Variants in LRRC9 observed in about 807,000 individuals in gnomAD.
LRRC9 encodes leucine-rich repeat-containing protein 9.
LRRC9 carries 122 observed loss-of-function variants against 63.2 expected under a neutral mutation model. The ratio of observed to expected loss-of-function variants is 1.93; its 90% CI spans 1.67 to 2.24. The LOEUF is 2.24. Among genes scored for constraint, LRRC9 ranks in the 30% most tolerant of loss-of-function variants. LRRC9 has a pLI of 0.00. For synonymous variants in LRRC9, 366 were observed against 213.1 expected (o/e 1.72, Z -6.25); for missense variants, 1,071 against 627.7 (o/e 1.71, Z -7.55).
In LRRC9 at chr14:59,932,153, C is replaced by A; in HGVS notation, c.543+114C>A. 1.7e-6 allele frequency: 1 copy of A among 575,314 alleles called. No homozygotes were observed. Among genetic ancestry groups the A allele is most frequent in the South Asian group, 2.3e-5 (1 of 44,254 alleles). The allele number at this position is 575,314 out of a possible 1,614,324, so 35.6% of individuals were successfully genotyped here. On this transcript the variant is annotated intron_variant, in intron 6 of 31. Coordinates refer to ENST00000445360, the Ensembl canonical transcript of LRRC9. This position sits in a 1 kb window ranked among gnomAD's most constrained non-coding sequence, Gnocchi z 4.7. ...TAAGGAATAAGTTCATTATTTTGGGCTGATGCTCCAGGAAATTTGAAAGTC... is the reference window on the plus strand; with the variant it reads ...TAAGGAATAAGTTCATTATTTTGGGATGATGCTCCAGGAAATTTGAAAGTC...
At chr14:60,006,040 T>C (rs1221666508) in intron 21 of LRRC9, among the ~76,000 whole-genome samples, 1 of 152,132 alleles carries the variant, frequency 6.6e-6, no homozygotes, top group Admixed American at 6.6e-5. Context: ...GTGATTATTT[T>C]GAGCTTTGTG....
At position 59,958,886 on chromosome 14, in the gene LRRC9, C is replaced by T. The variant is rs1884076587; in HGVS notation, c.883-932C>T. On this transcript the variant is annotated intron_variant, in intron 8 of 31. Coordinates refer to ENST00000445360, the Ensembl canonical transcript of LRRC9. This position sits in a 1 kb window ranked among gnomAD's most constrained non-coding sequence, Gnocchi z 4.0. ...AGGGAGGTCCCTGCTCCTTGCACTT[C>T]CTGGGTGATGTGACACCCCACCCTG... Among the ~76,000 whole-genome samples the T allele has an allele frequency of 1.3e-5, 2 of 152,304 alleles. No individual in the cohort carries two copies. Among genetic ancestry groups the T allele is most frequent in the Admixed American group, 6.5e-5 (1 of 15,308 alleles).
chr14:60,053,164 G>A lies in LRRC9; in HGVS notation c.4090G>A (p.Ala1364Thr), dbSNP rs1284974061. Residue 1364 changes from alanine to threonine, a missense_variant, in exon 30 of 32, where the codon GCT becomes ACT. By Grantham distance (58) the Ala-to-Thr change is moderately conservative (BLOSUM62 0). Coordinates refer to ENST00000445360, the Ensembl canonical transcript of LRRC9. This position sits in a 1 kb window ranked among gnomAD's most constrained non-coding sequence, Gnocchi z 4.8. ...TGTGAATTCAGATGATAGGGCAAAA[G>A]CTGAATTTCACCTCGCTGAACTACA... 1.4e-6 allele frequency: 1 copy of A among 701,106 alleles called. No individual in the cohort carries two copies. Among genetic ancestry groups the A allele is most frequent in the East Asian group, 2.7e-5 (1 of 37,242 alleles). 43.4% of individuals were successfully genotyped at this position (701,106 alleles called of 1,614,324 possible).
intron 27 of LRRC9, among the ~76,000 whole-genome samples, chr14:60,025,677 T>C (rs1239365149): frequency 2.2e-5 from 3 of 136,794 alleles, no homozygotes; most frequent in Non-Finnish European, 3.1e-5. Context: ...ACATATATTT[T>C]ACAAAAAAAA....
At chr14:60,050,396 T>C (rs932734206) in intron 29 of LRRC9, among the ~76,000 whole-genome samples, 2 of 152,192 alleles carry the variant, frequency 1.3e-5, no homozygotes, top group Non-Finnish European at 2.9e-5. Context: ...AGTTCTCATG[T>C]TGTGTTTTTC....
chr14:60,010,423 G>A (rs1159431864), intron 23 of LRRC9, among the ~76,000 whole-genome samples: 2 of 150,746 alleles, frequency 1.3e-5, no homozygotes, highest in African/African-American at 4.9e-5. Flanking sequence ...CAAGTCCCTA[G>A]GCTGCATAAA....
chr14:60,051,682 A>T lies in LRRC9; in HGVS notation c.3991-1383A>T, dbSNP rs1043070628. Among the ~76,000 whole-genome samples the T allele has an allele frequency of 1.1e-4, 16 of 152,084 alleles. No homozygotes were observed. Among genetic ancestry groups the T allele is most frequent in the African/African-American group, 3.9e-4 (16 of 41,402 alleles). On this transcript the variant is annotated intron_variant, in intron 29 of 31. Transcript: ENST00000445360. The surrounding 1 kb of genome is among the most constrained non-coding windows in gnomAD (Gnocchi z 4.7). ...CTGGATTCAACCCCCTTCCTAGGGG[A>T]ATGTACAGACAGATCTACTGCCTTG...
In LRRC9 at chr14:59,959,853, CA is replaced by C; in HGVS notation, c.921del (p.His309ThrfsTer10). 2 of 667,266 alleles carry C rather than the reference CA, an allele frequency of 3.0e-6. No individual in the cohort carries two copies. Among genetic ancestry groups the C allele is most frequent in the East Asian group, 2.8e-5 (1 of 36,200 alleles). 41.3% of individuals were successfully genotyped at this position (667,266 alleles called of 1,614,324 possible). A position where few individuals can be genotyped will look rare whatever the true frequency, so the allele number is the denominator to read the frequency against. Reference sequence around the variant, plus strand: ...AACTGGCTGAACTCAAGGGCTCGGGCAAAGGGCACAGTGATGGATCCAATAA... The same window carrying C: ...AACTGGCTGAACTCAAGGGCTCGGGCAAGGGCACAGTGATGGATCCAATAA... On this transcript the variant is annotated frameshift_variant, in exon 9 of 32. Coordinates refer to ENST00000445360, the Ensembl canonical transcript of LRRC9. LOFTEE classifies it high-confidence loss of function.
In LRRC9 at chr14:59,958,757, G is replaced by A. The variant is rs1884059546; in HGVS notation, c.883-1061G>A. 6.6e-6 allele frequency among the ~76,000 whole-genome samples: 1 copy of A among 152,264 alleles called. No homozygotes were observed. Among genetic ancestry groups the A allele is most frequent in the African/African-American group, 2.4e-5 (1 of 41,470 alleles). On this transcript the variant is annotated intron_variant, in intron 8 of 31. Transcript: ENST00000445360. The surrounding 1 kb of genome is among the most constrained non-coding windows in gnomAD (Gnocchi z 4.0). ...TGAAACACAGAGCCCTGGTGGTATA[G>A]GCACACGAGGGAATCTCCTGATCTG...
intron 29 of LRRC9, among the ~76,000 whole-genome samples, chr14:60,048,617 A>G (rs1179860132): frequency 6.6e-6 from 1 of 152,192 alleles, no homozygotes; most frequent in East Asian, 1.9e-4. Context: ...GAATAGGCCA[A>G]TAATGAGTCC....
chr14:60,016,530 C>A, intron 23 of LRRC9, 130 bp from the exon 24 acceptor site: 1 of 525,984 alleles, frequency 1.9e-6, no homozygotes, highest in East Asian at 2.9e-5. Context: ...ATATAATGCA[C>A]AGGATTTAGC....
chr14:60,019,231 T>C (rs1890929395), exon 26 of LRRC9: 2 of 696,502 alleles, frequency 2.9e-6, no homozygotes, highest in Non-Finnish European at 5.2e-6. Context: ...CAAGTGGCTA[T>C]GGACAGCAAG....
intron 17 of LRRC9, among the ~76,000 whole-genome samples, chr14:59,992,191 C>A (rs1268624360): frequency 6.6e-6 from 1 of 152,224 alleles, no homozygotes; most frequent in Non-Finnish European, 1.5e-5. Flanking sequence ...TGCTGATACC[C>A]AGGCAAACAG....
chr14:59,982,813 C>T (rs910909167), intron 16 of LRRC9, among the ~76,000 whole-genome samples: 4 of 152,158 alleles, frequency 2.6e-5, no homozygotes, highest in African/African-American at 9.7e-5. Flanking sequence ...ATTTCAAGTG[C>T]TCAATAGCCA....
chr14:59,928,362 T>A (rs1889388938), exon 3 of LRRC9: 2 of 694,668 alleles, frequency 2.9e-6, no homozygotes, highest in Non-Finnish European at 5.2e-6. Context: ...CCTCGTATAG[T>A]TGGATTATCA....
chr14:59,991,820 C>T (rs990504461), intron 17 of LRRC9, among the ~76,000 whole-genome samples: 8 of 152,058 alleles, frequency 5.3e-5, no homozygotes, highest in East Asian at 3.9e-4. Context: ...CCCAGAAGCT[C>T]GAACTGCGTG....
At chr14:60,062,404 A>AT (rs1285509284) in intron 31 of LRRC9, among the ~76,000 whole-genome samples, 1 of 152,224 alleles carries the variant, frequency 6.6e-6, no homozygotes, top group Non-Finnish European at 1.5e-5. Context: ...AGGCTGAGAA[A>AT]TGGCTATCAA....
intron 1 of LRRC9, among the ~76,000 whole-genome samples, chr14:59,921,299 C>T (rs1053642091): frequency 6.6e-6 from 1 of 152,106 alleles, no homozygotes; most frequent in African/African-American, 2.4e-5. Flanking sequence ...ACCATTAATA[C>T]CTTCCAAAGG....
Position 60,027,816 on chromosome 14 carries a change from G to A in LRRC9, c.3704-68G>A. The A allele has an allele frequency of 1.9e-6, 1 of 519,250 alleles. No individual in the cohort carries two copies. Among genetic ancestry groups the A allele is most frequent in the South Asian group, 3.1e-5 (1 of 31,892 alleles). 32.2% of individuals were successfully genotyped at this position (519,250 alleles called of 1,614,324 possible). On this transcript the variant is annotated intron_variant, in intron 27 of 31. Coordinates refer to ENST00000445360, the Ensembl canonical transcript of LRRC9. The surrounding 1 kb of genome is among the most constrained non-coding windows in gnomAD (Gnocchi z 4.0). ...TCATCTGATTAAAAAATATTTAAAT[G>A]TAAGTAGATATCCTTTACTTCAGGA...
Sources: allele counts gnomAD v4.1 joint callset (sites outside exome capture counted in the v4.1 genomes callset), GRCh38; gene constraint gnomAD v4.1.1; non-coding constraint Gnocchi (gnomAD v3.1); transcripts MANE v1.5; gene names NCBI Gene and HGNC (gene_info 2026-07-23, HGNC 2026-07-21).